The following MMEL1 variants were observed in gnomAD, a reference collection of about 807,000 sequenced individuals.
The protein encoded by MMEL1 is membrane metallo-endopeptidase-like 1.
In MMEL1, 98 loss-of-function variants were observed where a neutral mutation model predicts 117.1. The ratio of observed to expected loss-of-function variants is 0.84; its 90% CI spans 0.71 to 0.99. MMEL1 has a LOEUF of 0.99. Ranked by LOEUF, MMEL1 falls within the 50% of genes least tolerant of loss-of-function variation. MMEL1 has a pLI of 0.00. For missense variants in MMEL1, 1,014 were observed against 1,049.1 expected, an observed-to-expected ratio of 0.97 and a Z score of 0.46; for synonymous variants, 390 against 415.1, an observed-to-expected ratio of 0.94 and a Z score of 0.74.
chr1:2,621,537 G>C (rs1300988046), intron 2 of MMEL1, among the ~76,000 whole-genome samples: 1 of 151,728 alleles, frequency 6.6e-6, no homozygotes, highest in Non-Finnish European at 1.5e-5. Flanking sequence ...CCCCTACTTG[G>C]AGTTGTCCCA....
In MMEL1 at chr1:2,611,215, C is replaced by T. The variant is rs1645121465; in HGVS notation, c.292+66G>A. 7.4e-6 allele frequency: 11 copies of T among 1,477,682 alleles called. No homozygotes were observed. In the East Asian group the frequency reaches 2.8e-4, roughly 38 times the overall value. 91.5% of individuals were successfully genotyped at this position (1,477,682 alleles called of 1,614,324 possible). A position where few individuals can be genotyped will look rare whatever the true frequency, so the allele number is the denominator to read the frequency against. The stretch of plus-strand genomic sequence containing the variant: ...TTCCCTGGGCCTTGGGCGGGGCCTA[C>T]GTCAGTGTCAGCCGGGAGCCCCCAG... On this transcript the variant is annotated intron_variant, in intron 4 of 23. Transcript: ENST00000378412.
intron 2 of MMEL1, among the ~76,000 whole-genome samples, chr1:2,628,183 C>A (rs1321178314): frequency 1.3e-5 from 2 of 152,222 alleles, no homozygotes; most frequent in African/African-American, 4.8e-5. Context: ...CACTGCCCAC[C>A]GCCCATGGAG....
chr1:2,628,888 G>C (rs1638398953), intron 2 of MMEL1, among the ~76,000 whole-genome samples: 3 of 151,840 alleles, frequency 2.0e-5, no homozygotes, highest in Non-Finnish European at 4.4e-5. Flanking sequence ...TGGCAGCGGG[G>C]GAGTGAGGCA....
chr1:2,605,471 G>A, intron 9 of MMEL1, 87 bp downstream of exon 9: 1 of 1,189,494 alleles, frequency 8.4e-7, no homozygotes, highest in Non-Finnish European at 1.2e-6. Flanking sequence ...TTCGGGGAGG[G>A]AAGGCCAGGT....
chr1:2,601,889 C>T (rs1393614350), intron 11 of MMEL1, among the ~76,000 whole-genome samples: 3 of 152,242 alleles, frequency 2.0e-5, no homozygotes, highest in Non-Finnish European at 4.4e-5. Context: ...GAACGGACAC[C>T]ACCCAGCACG....
At chr1:2,603,640 G>A (rs374288263) in intron 11 of MMEL1, among the ~76,000 whole-genome samples, 201 of 127,976 alleles carry the variant, frequency 1.6e-3, no homozygotes, top group African/African-American at 6.1e-3. Flanking sequence ...TCACAGCACC[G>A]CACAGATGGG....
chr1:2,590,855 C>G lies in MMEL1; in HGVS notation c.*135G>C. 1 of 631,638 alleles carries G rather than the reference C, an allele frequency of 1.6e-6. No homozygotes were observed. The highest frequency in any genetic ancestry group is 2.4e-6 in the Non-Finnish European group (1 of 412,878). 39.1% of individuals were successfully genotyped at this position (631,638 alleles called of 1,614,324 possible). The stretch of plus-strand genomic sequence containing the variant: ...GCAGGTGGCTGCACCCTAGGCCAGG[C>G]GCAGAGGCCTGGCAGGCAGGCTTGG... On this transcript the variant is annotated 3_prime_UTR_variant, in exon 24 of 24. Coordinates refer to ENST00000378412, the MANE Select transcript of MMEL1 (RefSeq NM_033467.4).
rs369638349 is a variant in MMEL1 at position 2,591,653 on chromosome 1, G to A, written c.2164-20C>T. 1.8e-5 allele frequency: 29 copies of A among 1,604,734 alleles called. No homozygotes were observed. The highest frequency in any genetic ancestry group is 8.1e-5 in the African/African-American group (6 of 74,386). On this transcript the variant is annotated intron_variant, in intron 22 of 23. Coordinates refer to ENST00000378412, the MANE Select transcript of MMEL1 (RefSeq NM_033467.4). ...CCACACCTGTGGGCATGTTGGGGGC[G>A]TGGCTACAGGTGGCGTGGTGGGGTG...
At chr1:2,631,048 C>T (rs921453534) in intron 1 of MMEL1, among the ~76,000 whole-genome samples, 2 of 151,918 alleles carry the variant, frequency 1.3e-5, no homozygotes, top group African/African-American at 4.8e-5. Context: ...TGGGTGTGCA[C>T]GTGTGTGCGT....
At chr1:2,617,222 T>G (rs970833252) in intron 2 of MMEL1, among the ~76,000 whole-genome samples, 2 of 151,604 alleles carry the variant, frequency 1.3e-5, no homozygotes, top group African/African-American at 2.4e-5. Context: ...GGTCAGGAGA[T>G]CGAGACCATC....
intron 19 of MMEL1, among the ~76,000 whole-genome samples, 156 bp from the exon 20 acceptor site, chr1:2,593,122 C>T (rs1317957792): frequency 6.6e-6 from 1 of 152,202 alleles, no homozygotes; most frequent in Non-Finnish European, 1.5e-5. Context: ...AAGAGCATCG[C>T]GGGCTCCAAG....
chr1:2,599,885 T>C (rs1473801753), intron 11 of MMEL1, among the ~76,000 whole-genome samples: 2 of 145,606 alleles, frequency 1.4e-5, no homozygotes, highest in African/African-American at 5.0e-5. Context: ...AAAAGAAAAA[T>C]AGAAGGAAAA....
intron 2 of MMEL1, among the ~76,000 whole-genome samples, chr1:2,627,871 G>C (rs1292828576): frequency 1.3e-5 from 2 of 152,146 alleles, no homozygotes; most frequent in African/African-American, 4.8e-5. Context: ...GAGGGAGGGG[G>C]TCCAGGGCCC....
At chr1:2,608,579 A>C (rs936236480) in intron 6 of MMEL1, among the ~76,000 whole-genome samples, 3 of 152,010 alleles carry the variant, frequency 2.0e-5, no homozygotes, top group Non-Finnish European at 4.4e-5. Context: ...AAGTACACAC[A>C]GCACATATAT....
At chr1:2,611,500 C>A in intron 3 of MMEL1, 160 bp from the exon 4 acceptor site, 1 of 514,436 alleles carries the variant, frequency 1.9e-6, no homozygotes, top group Non-Finnish European at 3.4e-6. Context: ...TGGGCTGAAG[C>A]CAGTAGGGCA....
At chr1:2,596,154 G>T in intron 14 of MMEL1, 47 bp from the exon 15 acceptor site, 10 of 1,540,000 alleles carry the variant, frequency 6.5e-6, no homozygotes, top group African/African-American at 1.4e-5. Context: ...TCTGGAGGGC[G>T]AATGACCAGC....
chr1:2,604,947 C>T (rs1644997806), intron 9 of MMEL1, among the ~76,000 whole-genome samples: 1 of 152,204 alleles, frequency 6.6e-6, no homozygotes, highest in Admixed American at 6.5e-5. Context: ...GCTTGGTCAT[C>T]CTTCAAAGTC....
intron 20 of MMEL1, 45 bp downstream of exon 20, chr1:2,592,788 G>C: frequency 6.2e-7 from 1 of 1,611,766 alleles, no homozygotes; most frequent in Non-Finnish European, 8.5e-7. Flanking sequence ...GCCAGGGCTG[G>C]GGCTCCGGTA....
intron 2 of MMEL1, among the ~76,000 whole-genome samples, chr1:2,624,919 G>A (rs1645345779): frequency 6.6e-6 from 1 of 152,200 alleles, no homozygotes; most frequent in Non-Finnish European, 1.5e-5. Flanking sequence ...TCTCACCATG[G>A]TGGAGCAGGG....
Sources: gnomAD v4.1 joint callset for allele counts (sites outside exome capture counted in the v4.1 genomes callset) on GRCh38, gnomAD v4.1.1 for gene constraint, MANE v1.5 for transcripts, NCBI Gene and HGNC (gene_info 2026-07-23, HGNC 2026-07-21) for gene names.